Variants in DMXL1 observed in about 807,000 individuals in gnomAD.
The protein encoded by DMXL1 is dmX-like protein 1.
DMXL1 carries 99 observed loss-of-function variants against 319.2 expected under a neutral mutation model. The ratio of observed to expected loss-of-function variants is 0.31; its 90% CI spans 0.26 to 0.37. DMXL1 has a LOEUF of 0.37. Ranked by LOEUF, DMXL1 falls within the 10% of genes least tolerant of loss-of-function variation. The pLI is 1.00. For missense variants in DMXL1, 3,745 were observed against 3,595.6 expected (o/e 1.04, Z -1.06); for synonymous variants, 1,385 against 1,235.2 (o/e 1.12, Z -2.54).
At chr5:119,132,121 A>C (rs1005478120) in intron 10 of DMXL1, among the ~76,000 whole-genome samples, 1 of 152,112 alleles carries the variant, frequency 6.6e-6, no homozygotes, top group Non-Finnish European at 1.5e-5. Context: ...TGATGACTGG[A>C]CTGTTTGCGG....
At chr5:119,097,947 CTT>C in intron 1 of DMXL1, 30 bp from the exon 2 acceptor site, 1 of 1,545,954 alleles carries the variant, frequency 6.5e-7, no homozygotes, top group East Asian at 2.4e-5. Context: ...TTCCTTGACA[CTT>C]TTATCATTTT....
chr5:119,178,711 A>C (rs1332302915), intron 28 of DMXL1: 1 of 945,866 alleles, frequency 1.1e-6, no homozygotes, highest in Admixed American at 6.2e-5. Context: ...CTTTAGAAAT[A>C]GGCTTTTATC....
At chr5:119,208,078 T>C (rs1782064958) in intron 34 of DMXL1, among the ~76,000 whole-genome samples, 1 of 152,154 alleles carries the variant, frequency 6.6e-6, no homozygotes, top group South Asian at 2.1e-4. Flanking sequence ...AGTCTGTATG[T>C]CATTCATACT....
Position 119,171,268 on chromosome 5 carries a change from A to G in DMXL1, c.6477A>G (p.Gln2159=), listed in dbSNP as rs774206059. The change falls in exon 24 of 44, where the codon CAA becomes CAG. Residue 2159 remains glutamine, a synonymous_variant. Transcript: ENST00000539542. The part of the protein sequence containing the change: ...SVRMELILLL[Q]ESQQETSEPL... ...GAATGGAATTGATTTTGCTTTTGCA[A>G]GAATCTCAGCAGGTATGTAATTTAC... 8 of 1,596,346 alleles carry G rather than the reference A, an allele frequency of 5.0e-6. No individual in the cohort carries two copies. The highest frequency in any genetic ancestry group is 1.7e-5 in the Admixed American group (1 of 57,866).
At position 119,101,972 on chromosome 5, in the gene DMXL1, A is replaced by G. The variant is rs1208064427; in HGVS notation, c.251A>G (p.Glu84Gly). 1.9e-6 allele frequency: 3 copies of G among 1,605,376 alleles called. No individual in the cohort carries two copies. Among genetic ancestry groups the G allele is most frequent in the Non-Finnish European group, 2.6e-6 (3 of 1,176,138 alleles). ...ASYGNVISIF[E>G]PVNLPKQKKN... Reference sequence around the variant, plus strand: ...TATGGAAATGTTATCTCCATTTTTGAACCAGTTAACCTACCAAAACAAAAG... The same window carrying G: ...TATGGAAATGTTATCTCCATTTTTGGACCAGTTAACCTACCAAAACAAAAG... Residue 84 changes from glutamate (E) to glycine (G), a missense_variant, in exon 3 of 44, where the codon GAA becomes GGA. By Grantham distance (98) the Glu-to-Gly change is moderately conservative (BLOSUM62 -2). Around this residue, in one of 4 missense-constraint regions of DMXL1, gnomAD observed 2,096 missense variants for 1,985.4 expected, o/e 1.06. Coordinates refer to ENST00000539542, the MANE Select transcript of DMXL1 (RefSeq NM_001290321.3).
intron 9 of DMXL1, chr5:119,128,464 T>G (rs542256431): frequency 6.0e-6 from 1 of 167,074 alleles, no homozygotes; most frequent in East Asian, 1.6e-4. Context: ...ACTCCATGAC[T>G]AGCCCCAGCT....
intron 17 of DMXL1, 76 bp from the exon 18 acceptor site, chr5:119,148,663 C>G (rs1769109032): frequency 2.1e-6 from 3 of 1,434,108 alleles, no homozygotes; most frequent in African/African-American, 1.4e-5. Flanking sequence ...ATACAAAAGA[C>G]TAAAATCGTA....
At chr5:119,226,734 A>G (rs1355413957) in intron 38 of DMXL1, among the ~76,000 whole-genome samples, 1 of 152,214 alleles carries the variant, frequency 6.6e-6, no homozygotes, top group Non-Finnish European at 1.5e-5. Flanking sequence ...CACATCTGGC[A>G]TACTGGCTAT....
intron 4 of DMXL1, among the ~76,000 whole-genome samples, chr5:119,105,923 T>G (rs1394411982): frequency 6.7e-6 from 1 of 150,038 alleles, no homozygotes; most frequent in African/African-American, 2.5e-5. Context: ...GAAGAAAATA[T>G]AATGAATATA....
At chr5:119,224,586 C>T (rs1007643120) in intron 37 of DMXL1, 123 bp from the exon 38 acceptor site, 10 of 382,002 alleles carry the variant, frequency 2.6e-5, no homozygotes, top group Non-Finnish European at 4.4e-5. Context: ...TTTTTAGCAC[C>T]CATAATGATA....
Position 119,118,898 on chromosome 5 carries a change from G to T in DMXL1, c.827G>T (p.Cys276Phe). 2.5e-6 allele frequency: 4 copies of T among 1,613,872 alleles called. No individual in the cohort carries two copies. Among genetic ancestry groups the T allele is most frequent in the Non-Finnish European group, 3.4e-6 (4 of 1,179,868 alleles). ...LWVETFLPNDCLLYGGDCSHW... is the reference protein window; with the variant it reads ...LWVETFLPNDFLLYGGDCSHW... ...GTAGAGACATTTTTACCAAATGATT[G>T]TTTGCTATACGGAGGTGACTGCAGC... The change falls in exon 8 of 44, where the codon TGT becomes TTT. Residue 276 changes from cysteine (C) to phenylalanine (F), a missense_variant. This residue lies in a region of DMXL1 where 2,096 missense variants were observed against 1,985.4 expected (regional missense o/e 1.06). Coordinates refer to ENST00000539542, the MANE Select transcript of DMXL1 (RefSeq NM_001290321.3).
chr5:119,237,001 T>A (rs1363529539), intron 39 of DMXL1: 1 of 157,364 alleles, frequency 6.4e-6, no homozygotes, highest in Non-Finnish European at 1.4e-5. Flanking sequence ...TTCTTATATA[T>A]GATAAAGTTC....
chr5:119,119,834 C>T (rs1045322070), intron 8 of DMXL1, among the ~76,000 whole-genome samples: 8 of 151,276 alleles, frequency 5.3e-5, no homozygotes, highest in Admixed American at 1.3e-4. Context: ...ATATTGAAAA[C>T]GAAGTGATTT....
chr5:119,107,105 G>A (rs1324433336), intron 4 of DMXL1, among the ~76,000 whole-genome samples: 1 of 152,192 alleles, frequency 6.6e-6, no homozygotes, highest in East Asian at 1.9e-4. Flanking sequence ...AGGAGGCTGA[G>A]TGGGGAGAAT....
chr5:119,156,059 A>C (rs1770980322), intron 19 of DMXL1, among the ~76,000 whole-genome samples: 1 of 152,212 alleles, frequency 6.6e-6, no homozygotes, highest in African/African-American at 2.4e-5. Context: ...ATCAAATAGA[A>C]TTACATGGTA....
At chr5:119,164,182 A>C (rs990525042) in intron 19 of DMXL1, among the ~76,000 whole-genome samples, 2 of 152,152 alleles carry the variant, frequency 1.3e-5, no homozygotes, top group Non-Finnish European at 2.9e-5. Context: ...CTTTGAAGAC[A>C]GAAATATATC....
chr5:119,074,198 C>A (rs758838501), intron 1 of DMXL1, among the ~76,000 whole-genome samples: 7 of 152,278 alleles, frequency 4.6e-5, no homozygotes, highest in African/African-American at 1.2e-4. Context: ...GGATTACAGG[C>A]GGGAGCCACT....
intron 9 of DMXL1, among the ~76,000 whole-genome samples, chr5:119,122,513 G>A (rs1399604327): frequency 6.6e-6 from 1 of 151,794 alleles, no homozygotes; most frequent in African/African-American, 2.4e-5. Context: ...AGACGGGGTG[G>A]CTGCCGGGCG....
chr5:119,159,579 T>A (rs1166515462), intron 19 of DMXL1, among the ~76,000 whole-genome samples: 1 of 152,272 alleles, frequency 6.6e-6, no homozygotes, highest in Non-Finnish European at 1.5e-5. Context: ...ATTTGTGGTA[T>A]CAGTTGTAGT....
Sources: allele counts gnomAD v4.1 joint callset (sites outside exome capture counted in the v4.1 genomes callset), GRCh38; gene constraint gnomAD v4.1.1; regional missense constraint gnomAD v4.1.1; transcripts MANE v1.5; gene names NCBI Gene and HGNC (gene_info 2026-07-23, HGNC 2026-07-21).